KLHL1: variants seen among roughly 807,000 people sequenced by gnomAD.
The protein encoded by KLHL1 is kelch-like protein 1.
A neutral mutation model predicts 77.7 loss-of-function variants in KLHL1; 47 were observed. That is an observed-to-expected ratio of 0.60 (90% CI 0.48 to 0.77). The LOEUF is 0.77. KLHL1 is among the 30% of genes least tolerant of loss of function. The pLI is 0.00. For synonymous variants in KLHL1, 360 were observed against 325.2 expected (o/e 1.11, Z -1.15); for missense variants, 925 against 910.8 (o/e 1.02, Z -0.20).
chr13:69,708,042 T>A (rs1875706641), intron 9 of KLHL1, among the ~76,000 whole-genome samples: 2 of 152,114 alleles, frequency 1.3e-5, no homozygotes, highest in East Asian at 3.9e-4. Context: ...AAAAATAATG[T>A]CATGATGTCT....
At chr13:69,846,266 T>C (rs1217518171) in intron 5 of KLHL1, among the ~76,000 whole-genome samples, 1 of 151,578 alleles carries the variant, frequency 6.6e-6, no homozygotes, top group African/African-American at 2.4e-5. Context: ...TTTGCAGATA[T>C]GCCCTATCTC....
intron 1 of KLHL1, among the ~76,000 whole-genome samples, chr13:70,001,702 TTCTA>T (rs1299099322): frequency 3.4e-5 from 5 of 145,912 alleles, no homozygotes; most frequent in Admixed American, 1.4e-4. Flanking sequence ...TCTATCATCT[TTCTA>T]CTATCTTCCT....
intron 5 of KLHL1, among the ~76,000 whole-genome samples, chr13:69,840,824 A>T (rs1361104133): frequency 2.0e-5 from 3 of 151,338 alleles, no homozygotes; most frequent in Non-Finnish European, 4.4e-5. Flanking sequence ...TATTTCTAAC[A>T]AGGGCCCAGT....
At chr13:70,014,278 G>C (rs1885604151) in intron 1 of KLHL1, among the ~76,000 whole-genome samples, 1 of 151,960 alleles carries the variant, frequency 6.6e-6, no homozygotes, top group Admixed American at 6.6e-5. Flanking sequence ...TAGGAAAGAA[G>C]CATTTCACAG....
chr13:70,013,292 C>A (rs79586714), intron 1 of KLHL1, among the ~76,000 whole-genome samples: 3,890 of 152,032 alleles, frequency 0.026, 84 homozygotes, highest in Middle Eastern at 0.072. Flanking sequence ...AAAGAGAAAA[C>A]AAAGGGAATG....
intron 7 of KLHL1, among the ~76,000 whole-genome samples, chr13:69,758,254 A>G (rs1388340963): frequency 6.6e-6 from 1 of 152,132 alleles, no homozygotes. Context: ...TTTTACTTTT[A>G]TATTAGTGTA....
At chr13:70,045,380 A>AT (rs577638273) in intron 1 of KLHL1, among the ~76,000 whole-genome samples, 1 of 152,158 alleles carries the variant, frequency 6.6e-6, no homozygotes, top group East Asian at 1.9e-4. Context: ...TTCTACAGGT[A>AT]TTTTTTTAGT....
intron 6 of KLHL1, among the ~76,000 whole-genome samples, chr13:69,836,809 G>A (rs1030276315): frequency 6.6e-6 from 1 of 151,656 alleles, no homozygotes; most frequent in Non-Finnish European, 1.5e-5. Flanking sequence ...TGACAGGATT[G>A]TACCATAGGC....
At chr13:69,906,316 G>A (rs1882042848) in intron 4 of KLHL1, among the ~76,000 whole-genome samples, 2 of 151,912 alleles carry the variant, frequency 1.3e-5, no homozygotes, top group African/African-American at 4.8e-5. Flanking sequence ...ATTTTATTCA[G>A]TGGTCAAGGA....
intron 1 of KLHL1, among the ~76,000 whole-genome samples, chr13:70,100,616 A>C (rs925114721): frequency 5.6e-4 from 85 of 152,310 alleles, no homozygotes; most frequent in African/African-American, 2.0e-3. Context: ...TACAGGCATC[A>C]AGCCTTTTTA....
rs749963399 is a variant in KLHL1, at chr13:69,719,319, A to G, written c.2015+50T>C. The G allele has an allele frequency of 2.0e-5, 30 of 1,504,716 alleles. 1 individual carries two copies. The highest frequency in any genetic ancestry group is 1.6e-4 in the Admixed American group (9 of 57,088). The allele number at this position is 1,504,716 out of a possible 1,614,324, so 93.2% of individuals were successfully genotyped here. A position where few individuals can be genotyped will look rare whatever the true frequency, so the allele number is the denominator to read the frequency against. On this transcript the variant is annotated intron_variant, in intron 9 of 10. Coordinates refer to ENST00000377844, the MANE Select transcript of KLHL1 (RefSeq NM_020866.3). Reference sequence around the variant, plus strand: ...TTCCAATCACTTGAATCAGGCATCAATGTGATTTGCACTGTCTCTTTCGCT... The same window carrying G: ...TTCCAATCACTTGAATCAGGCATCAGTGTGATTTGCACTGTCTCTTTCGCT...
At chr13:69,990,586 A>T (rs1885004154) in intron 1 of KLHL1, among the ~76,000 whole-genome samples, 1 of 152,098 alleles carries the variant, frequency 6.6e-6, no homozygotes, top group African/African-American at 2.4e-5. Context: ...GGCATTACAT[A>T]ATGGTAAAGA....
At chr13:69,944,493 GT>G (rs1226992902) in intron 3 of KLHL1, among the ~76,000 whole-genome samples, 1 of 152,104 alleles carries the variant, frequency 6.6e-6, no homozygotes, top group Non-Finnish European at 1.5e-5. Flanking sequence ...GTCTTGTGAA[GT>G]ATCCCAGTTC....
intron 6 of KLHL1, among the ~76,000 whole-genome samples, chr13:69,803,578 A>T (rs1287494091): frequency 6.6e-6 from 1 of 152,192 alleles, no homozygotes; most frequent in South Asian, 2.1e-4. Context: ...AGCATTGTTG[A>T]CTTTAAAATA....
intron 2 of KLHL1, among the ~76,000 whole-genome samples, chr13:69,962,697 A>G (rs1398054100): frequency 2.0e-5 from 3 of 149,674 alleles, no homozygotes; most frequent in Admixed American, 1.3e-4. Flanking sequence ...AAAAATTATG[A>G]TATTTTCAAG....
At chr13:70,049,658 G>A (rs1205721650) in intron 1 of KLHL1, among the ~76,000 whole-genome samples, 2 of 152,036 alleles carry the variant, frequency 1.3e-5, no homozygotes, top group African/African-American at 2.4e-5. Flanking sequence ...TTAATATACA[G>A]TACATTATCC....
At chr13:69,955,100 A>G (rs934016847) in intron 3 of KLHL1, among the ~76,000 whole-genome samples, 39 of 151,240 alleles carry the variant, frequency 2.6e-4, no homozygotes, top group Admixed American at 2.5e-3. Flanking sequence ...TTTAAAACTA[A>G]TAATGTACTA....
chr13:70,011,971 G>A (rs1258411029), intron 1 of KLHL1, among the ~76,000 whole-genome samples: 1 of 152,102 alleles, frequency 6.6e-6, no homozygotes, highest in Non-Finnish European at 1.5e-5. Context: ...TTACATGGAT[G>A]GCAGCAGGCA....
intron 4 of KLHL1, among the ~76,000 whole-genome samples, chr13:69,883,636 T>G (rs1456986535): frequency 1.3e-5 from 2 of 152,200 alleles, no homozygotes; most frequent in Non-Finnish European, 2.9e-5. Context: ...ATCTAGATCC[T>G]GACACAAAGC....
Sources: allele counts gnomAD v4.1 joint callset (sites outside exome capture counted in the v4.1 genomes callset), GRCh38; gene constraint gnomAD v4.1.1; transcripts MANE v1.5; gene names NCBI Gene and HGNC (gene_info 2026-07-23, HGNC 2026-07-21).